Variants in PDE9A observed in about 807,000 individuals in gnomAD.
PDE9A encodes the protein phosphodiesterase 9A.
PDE9A carries 60 observed loss-of-function variants against 87.4 expected under a neutral mutation model. That is an observed-to-expected ratio of 0.69 (90% CI 0.56 to 0.85). The LOEUF is 0.85. Ranked by LOEUF, PDE9A falls within the 40% of genes least tolerant of loss-of-function variation. The pLI is 0.00. For synonymous variants in PDE9A, 272 were observed against 279.4 expected, an observed-to-expected ratio of 0.97 and a Z score of 0.27; for missense variants, 665 against 779.0, an observed-to-expected ratio of 0.85 and a Z score of 1.74.
In PDE9A at chr21:42,761,891, C is replaced by T. The variant is rs558378318; in HGVS notation, c.1086-192C>T. ...TGGTGGGACTGCAGGAGCATGGGGA[C>T]GTGCAGTTGCAGGGGCAGCTGAGCG... On this transcript the variant is annotated intron_variant, in intron 13 of 19. Coordinates refer to ENST00000291539, the MANE Select transcript of PDE9A (RefSeq NM_002606.3). 1.2e-4 allele frequency among the ~76,000 whole-genome samples: 18 copies of T among 152,074 alleles called. No homozygotes were observed. In the South Asian group the frequency reaches 1.9e-3, roughly 16 times the overall value.
At chr21:42,689,784 C>T (rs1336460283) in intron 3 of PDE9A, 2 of 985,298 alleles carry the variant, frequency 2.0e-6, no homozygotes, top group African/African-American at 1.7e-5. Context: ...TGCCAAAATG[C>T]ATGCCTTTCT....
rs779485562 is a variant in PDE9A at position 42,686,176 on chromosome 21, C to T, written c.70-16C>T. Reference sequence around the variant, plus strand: ...CGCCGCCCTCGCTGCCGCCTCACCGCGCTTCTGTTTTGCAGGTAATCTTCA... The same window carrying T: ...CGCCGCCCTCGCTGCCGCCTCACCGTGCTTCTGTTTTGCAGGTAATCTTCA... On this transcript the variant is annotated splice_polypyrimidine_tract_variant and intron_variant, in intron 1 of 19. Coordinates refer to ENST00000291539, the MANE Select transcript of PDE9A (RefSeq NM_002606.3). The T allele has an allele frequency of 1.9e-6, 3 of 1,611,044 alleles. No individual in the cohort carries two copies. Among genetic ancestry groups the T allele is most frequent in the East Asian group, 4.5e-5 (2 of 44,866 alleles).
intron 16 of PDE9A, 120 bp from the exon 17 acceptor site, chr21:42,768,907 T>G: frequency 2.7e-6 from 4 of 1,496,444 alleles, no homozygotes; most frequent in East Asian, 2.3e-5. Context: ...CTGAGACACA[T>G]TTGTGGTGTG....
chr21:42,672,220 G>A (rs947567962), intron 1 of PDE9A, among the ~76,000 whole-genome samples: 2 of 152,188 alleles, frequency 1.3e-5, no homozygotes, highest in Non-Finnish European at 2.9e-5. Context: ...CCTCGCCTTC[G>A]TTCAGACCAC....
At chr21:42,678,059 G>A (rs1409483743) in intron 1 of PDE9A, among the ~76,000 whole-genome samples, 1 of 152,250 alleles carries the variant, frequency 6.6e-6, no homozygotes, top group African/African-American at 2.4e-5. Flanking sequence ...ACTAGAGTCT[G>A]ACAAACCCAG....
rs764106684 is a variant in PDE9A, at chr21:42,760,799, C to G, written c.1003-26C>G. 1.4e-5 allele frequency: 18 copies of G among 1,325,178 alleles called. No individual in the cohort carries two copies. Among genetic ancestry groups the G allele is most frequent in the Non-Finnish European group, 2.0e-5 (18 of 921,544 alleles). 82.1% of individuals were successfully genotyped at this position (1,325,178 alleles called of 1,614,324 possible). On this transcript the variant is annotated intron_variant, in intron 12 of 19. Coordinates refer to ENST00000291539, the MANE Select transcript of PDE9A (RefSeq NM_002606.3). The surrounding 1 kb of genome is among the most constrained non-coding windows in gnomAD (Gnocchi z 5.2). ...CCACCCTCCGAGTGAAGAGAGCAAA[C>G]ACCTACGCCCTGTTTTCCAATCCAG...
chr21:42,662,989 A>ACACACCACACACACG (rs1344233270), intron 1 of PDE9A, among the ~76,000 whole-genome samples: 2 of 147,162 alleles, frequency 1.4e-5, no homozygotes, highest in South Asian at 2.2e-4. Flanking sequence ...ACACAAGAAC[A>ACACACCACACACACG]CACACCACAC....
At chr21:42,727,586 G>A (rs1177367036) in intron 4 of PDE9A, among the ~76,000 whole-genome samples, 1 of 138,264 alleles carries the variant, frequency 7.2e-6, no homozygotes, top group Non-Finnish European at 1.5e-5. Flanking sequence ...CTCCAACCTC[G>A]ACCTCCCAAA....
chr21:42,670,590 C>T (rs536512514), intron 1 of PDE9A, among the ~76,000 whole-genome samples: 18 of 151,666 alleles, frequency 1.2e-4, no homozygotes, highest in African/African-American at 3.9e-4. Context: ...TACACGCATA[C>T]ACTTACACAT....
intron 8 of PDE9A, among the ~76,000 whole-genome samples, chr21:42,748,635 C>T (rs1485670629): frequency 6.6e-6 from 1 of 152,206 alleles, no homozygotes; most frequent in Non-Finnish European, 1.5e-5. Flanking sequence ...CGGCAATGTC[C>T]CCCCAGTTTA....
intron 7 of PDE9A, among the ~76,000 whole-genome samples, chr21:42,742,095 AT>A (rs2053339748): frequency 6.6e-6 from 1 of 152,150 alleles, no homozygotes; most frequent in Non-Finnish European, 1.5e-5. Context: ...AAGGGTAAAT[AT>A]CTTGAAGTTT....
At chr21:42,679,023 C>T (rs1472159506) in intron 1 of PDE9A, among the ~76,000 whole-genome samples, 1 of 152,228 alleles carries the variant, frequency 6.6e-6, no homozygotes, top group Non-Finnish European at 1.5e-5. Context: ...CATGCTGCAC[C>T]TTTCAGATAA....
chr21:42,745,164 C>A (rs1193153197), intron 8 of PDE9A, among the ~76,000 whole-genome samples: 2 of 152,172 alleles, frequency 1.3e-5, no homozygotes, highest in Admixed American at 6.5e-5. Context: ...GTCTCAGAGG[C>A]AGAAGGTGAA....
At chr21:42,738,402 A>G (rs544540258) in intron 7 of PDE9A, among the ~76,000 whole-genome samples, 1 of 152,328 alleles carries the variant, frequency 6.6e-6, no homozygotes, top group South Asian at 2.1e-4. Flanking sequence ...TCTGTAGCCA[A>G]AGGACTGGGC....
intron 1 of PDE9A, among the ~76,000 whole-genome samples, chr21:42,670,793 A>G (rs999325574): frequency 2.0e-5 from 3 of 152,022 alleles, no homozygotes; most frequent in African/African-American, 4.8e-5. Flanking sequence ...ACATATACAT[A>G]CATTCACTCA....
chr21:42,666,640 C>T (rs1027950703), intron 1 of PDE9A, among the ~76,000 whole-genome samples: 4 of 152,196 alleles, frequency 2.6e-5, no homozygotes, highest in African/African-American at 7.2e-5. Flanking sequence ...TGGGCTGGCA[C>T]CTCCTCCCCG....
intron 4 of PDE9A, among the ~76,000 whole-genome samples, chr21:42,727,127 G>A (rs1181088540): frequency 3.8e-5 from 5 of 132,540 alleles, no homozygotes; most frequent in African/African-American, 1.1e-4. Context: ...AATGGGAATT[G>A]TGTAAAACTT....
At chr21:42,654,356 C>T (rs996286642) in intron 1 of PDE9A, among the ~76,000 whole-genome samples, 1 of 152,232 alleles carries the variant, frequency 6.6e-6, no homozygotes, top group South Asian at 2.1e-4. Context: ...GCCGCTGCAC[C>T]TCCGGGGCCC....
chr21:42,762,322 C>T, intron 14 of PDE9A, 83 bp downstream of exon 14: 1 of 1,429,784 alleles, frequency 7.0e-7, no homozygotes, highest in South Asian at 1.3e-5. Context: ...GCTGGAAGCT[C>T]CCAGAAGCTC....
Sources: allele counts gnomAD v4.1 joint callset (sites outside exome capture counted in the v4.1 genomes callset), GRCh38; gene constraint gnomAD v4.1.1; non-coding constraint Gnocchi (gnomAD v3.1); transcripts MANE v1.5; gene names NCBI Gene and HGNC (gene_info 2026-07-23, HGNC 2026-07-21).